Variants in ERBB4 observed in about 807,000 individuals in gnomAD.
The protein encoded by ERBB4 is receptor tyrosine-protein kinase erbB-4.
ERBB4 carries 42 observed loss-of-function variants against 158.0 expected under a neutral mutation model. The observed-to-expected ratio is 0.27, with a 90% CI of 0.21 to 0.34. ERBB4 has a LOEUF of 0.34. Among genes scored for constraint, ERBB4 ranks in the 10% least tolerant of loss-of-function variants. ERBB4 has a pLI of 1.00. For synonymous variants in ERBB4, 583 were observed against 558.7 expected (o/e 1.04, Z -0.61); for missense variants, 1,333 against 1,624.1 (o/e 0.82, Z 3.08).
chr2:211,446,641 A>C (rs1393557759), intron 20 of ERBB4, among the ~76,000 whole-genome samples: 1 of 152,172 alleles, frequency 6.6e-6, no homozygotes, highest in Admixed American at 6.5e-5. Context: ...CATTTAAAAA[A>C]TAAAGTCAGT....
chr2:211,813,645 A>G (rs776145980), intron 3 of ERBB4, among the ~76,000 whole-genome samples: 2 of 152,080 alleles, frequency 1.3e-5, no homozygotes, highest in African/African-American at 4.8e-5. Flanking sequence ...TTGACTCTGT[A>G]TTACTATTCC....
intron 1 of ERBB4, among the ~76,000 whole-genome samples, chr2:212,409,862 T>C (rs1286508122): frequency 6.6e-6 from 1 of 152,042 alleles, no homozygotes; most frequent in Non-Finnish European, 1.5e-5. Flanking sequence ...TCATAATACA[T>C]CACATCAAAC....
At chr2:212,298,296 T>C (rs1293584480) in intron 1 of ERBB4, among the ~76,000 whole-genome samples, 6 of 151,842 alleles carry the variant, frequency 4.0e-5, no homozygotes, top group East Asian at 1.9e-4. Context: ...CTTTACATCA[T>C]GAATAAATAC....
At chr2:211,786,041 C>G (rs1326291258) in intron 4 of ERBB4, among the ~76,000 whole-genome samples, 1 of 152,038 alleles carries the variant, frequency 6.6e-6, no homozygotes, top group Admixed American at 6.6e-5. Context: ...CAGATGAAGT[C>G]TTGAACTAGG....
intron 1 of ERBB4, among the ~76,000 whole-genome samples, chr2:212,358,315 A>G (rs1274303652): frequency 6.6e-6 from 1 of 151,760 alleles, no homozygotes; most frequent in African/African-American, 2.4e-5. Flanking sequence ...TTTGGTAAAC[A>G]GCAAGCAGCA....
intron 15 of ERBB4, among the ~76,000 whole-genome samples, chr2:211,659,138 T>C (rs1054617213): frequency 2.0e-5 from 3 of 151,968 alleles, no homozygotes; most frequent in Admixed American, 6.6e-5. Context: ...ACTCTAAACA[T>C]TGGTGAACTA....
chr2:212,436,320 C>A (rs1164912537), intron 1 of ERBB4, among the ~76,000 whole-genome samples: 1 of 151,974 alleles, frequency 6.6e-6, no homozygotes, highest in Non-Finnish European at 1.5e-5. Context: ...AATATGACAT[C>A]ATTCTACAAA....
At chr2:211,855,373 A>C (rs1252667335) in intron 3 of ERBB4, among the ~76,000 whole-genome samples, 1 of 152,138 alleles carries the variant, frequency 6.6e-6, no homozygotes. Context: ...TTTGCTTCAT[A>C]ATTAGTGGAT....
chr2:211,615,102 A>G (rs1368284809), intron 19 of ERBB4, among the ~76,000 whole-genome samples: 1 of 152,074 alleles, frequency 6.6e-6, no homozygotes, highest in Non-Finnish European at 1.5e-5. Flanking sequence ...AGAATTGAGA[A>G]TAATTACATA....
At chr2:211,926,849 C>T (rs976343841) in intron 3 of ERBB4, among the ~76,000 whole-genome samples, 5 of 152,220 alleles carry the variant, frequency 3.3e-5, no homozygotes, top group South Asian at 4.1e-4. Flanking sequence ...CCAGATATTT[C>T]CTAACTTACT....
chr2:211,884,769 G>C (rs908893973), intron 3 of ERBB4, among the ~76,000 whole-genome samples: 2 of 152,090 alleles, frequency 1.3e-5, no homozygotes, highest in Non-Finnish European at 2.9e-5. Flanking sequence ...ATCTAAACAT[G>C]TTATAGTGAA....
chr2:212,522,342 T>A (rs995497155), intron 1 of ERBB4, among the ~76,000 whole-genome samples: 4 of 151,996 alleles, frequency 2.6e-5, no homozygotes, highest in African/African-American at 9.7e-5. Context: ...GATATTATGA[T>A]TTCTTGGCTT....
rs1559701550 is a variant in ERBB4, at chr2:212,191,580, CCTGT to C, written c.83-66681_83-66678del. ...TGTTATATATAACACATGTGTTATG[CCTGT>C]TATATATAACACATGTGTTATGCCT... On this transcript the variant is annotated intron_variant, in intron 1 of 27. Transcript: ENST00000342788. Among the ~76,000 whole-genome samples, 75 of 46,896 alleles carry C rather than the reference CCTGT, an allele frequency of 1.6e-3. 5 individuals are homozygous for C. The highest frequency in any genetic ancestry group is 4.6e-3 in the African/African-American group (68 of 14,678). 30.8% of individuals were successfully genotyped at this position (46,896 alleles called of 152,430 possible).
At chr2:212,234,516 T>G (rs929918362) in intron 1 of ERBB4, among the ~76,000 whole-genome samples, 1 of 152,190 alleles carries the variant, frequency 6.6e-6, no homozygotes, top group African/African-American at 2.4e-5. Flanking sequence ...GATTGCTGGG[T>G]CAAATGGTAT....
chr2:212,327,564 C>T (rs749119146), intron 1 of ERBB4, among the ~76,000 whole-genome samples: 4 of 151,866 alleles, frequency 2.6e-5, no homozygotes, highest in Non-Finnish European at 4.4e-5. Flanking sequence ...CCCTATGATT[C>T]TAAAACCAAA....
chr2:211,740,692 G>T (rs955170528), intron 5 of ERBB4, among the ~76,000 whole-genome samples: 1 of 131,258 alleles, frequency 7.6e-6, no homozygotes, highest in African/African-American at 2.9e-5. Context: ...CTCACTGCAA[G>T]CTCCGCTTAC....
chr2:212,481,615 A>G (rs943749579), intron 1 of ERBB4, among the ~76,000 whole-genome samples: 2 of 152,186 alleles, frequency 1.3e-5, no homozygotes, highest in South Asian at 4.1e-4. Flanking sequence ...AAACAACAAT[A>G]TATTTGCAAA....
At position 211,708,039 on chromosome 2, in the gene ERBB4, G is replaced by A. The variant is rs188024885; in HGVS notation, c.1125-2648C>T. 4.4e-3 allele frequency among the ~76,000 whole-genome samples: 666 copies of A among 152,064 alleles called. 4 individuals carry two copies. Among genetic ancestry groups the A allele is most frequent in the Non-Finnish European group, 4.7e-3 (317 of 67,948 alleles). Reference sequence around the variant, plus strand: ...AAAACATTTCTTTAATTCACTGTAAGTTTTCTGCTTATAATACTCTGTATT... The same window carrying A: ...AAAACATTTCTTTAATTCACTGTAAATTTTCTGCTTATAATACTCTGTATT... On this transcript the variant is annotated intron_variant, in intron 9 of 27. Transcript: ENST00000342788.
At chr2:211,612,889 G>A (rs1311235939) in intron 19 of ERBB4, among the ~76,000 whole-genome samples, 1 of 152,040 alleles carries the variant, frequency 6.6e-6, no homozygotes, top group South Asian at 2.1e-4. Flanking sequence ...CGAATTGGAG[G>A]TTGGTTGTTT....
Sources: allele counts gnomAD v4.1 joint callset (sites outside exome capture counted in the v4.1 genomes callset), GRCh38; gene constraint gnomAD v4.1.1; transcripts MANE v1.5; gene names NCBI Gene and HGNC (gene_info 2026-07-23, HGNC 2026-07-21).